GLRA2: variants seen among roughly 807,000 people sequenced by gnomAD.
The protein encoded by GLRA2 is glycine receptor alpha 2, also known as glycine receptor subunit alpha-2.
In GLRA2, 11 loss-of-function variants were observed where a neutral mutation model predicts 31.6. The ratio of observed to expected loss-of-function variants is 0.35; its 90% confidence interval spans 0.22 to 0.58. The LOEUF (loss-of-function observed/expected upper bound fraction) is 0.58. Ranked by LOEUF, GLRA2 falls within the 20% of genes least tolerant of loss-of-function variation. The pLI, the probability that GLRA2 is intolerant of heterozygous loss-of-function variation, is 0.84. For synonymous variants in GLRA2, 132 were observed against 134.0 expected, an observed-to-expected ratio of 0.99 and a Z score of 0.10; for missense variants, 212 against 351.8, an observed-to-expected ratio of 0.60 and a Z score of 3.18.
At chrX:14,624,871 T>C (rs1169409149) in intron 7 of GLRA2, among the ~76,000 whole-genome samples, 1 of 111,762 alleles carries the variant, frequency 8.9e-6, no homozygotes, top group Non-Finnish European at 1.9e-5. Flanking sequence ...TAGGTCTGCT[T>C]GGTGCAGAGC....
chrX:14,660,882 T>A (rs1054264330), intron 7 of GLRA2, among the ~76,000 whole-genome samples: 18 of 112,360 alleles, frequency 1.6e-4, no homozygotes, highest in African/African-American at 5.8e-4. Flanking sequence ...AGTCAGTGAA[T>A]AGGCATTTGA....
chrX:14,493,606 C>A, the GLRA2 span, among the ~76,000 whole-genome samples: 1 of 99,363 alleles, frequency 1.0e-5, no homozygotes, highest in Non-Finnish European at 2.0e-5. Context: ...CATATATACA[C>A]ATATACACAT....
intron 2 of GLRA2, among the ~76,000 whole-genome samples, chrX:14,564,779 T>C (rs926174389): frequency 1.8e-5 from 2 of 112,027 alleles, no homozygotes; most frequent in African/African-American, 6.5e-5. Context: ...AATGGTGTTG[T>C]ATAAGAGTGG....
chrX:14,537,952 TTGG>T (rs1479363716), intron 2 of GLRA2, among the ~76,000 whole-genome samples: 1 of 107,521 alleles, frequency 9.3e-6, no homozygotes, highest in Non-Finnish European at 1.9e-5. Context: ...TACAAATGTG[TTGG>T]TTGGTGTTCA....
intron 7 of GLRA2, among the ~76,000 whole-genome samples, chrX:14,655,956 C>T (rs1272805063): frequency 1.8e-5 from 2 of 111,873 alleles, no homozygotes; most frequent in African/African-American, 6.5e-5. Context: ...CACTCTAGAA[C>T]CTCCCCATTC....
In GLRA2 at chrX:14,730,508, C is replaced by T. The variant is rs371306095; in HGVS notation, c.*23C>T. 1 of 1,112,671 alleles carries T rather than the reference C, an allele frequency of 9.0e-7. No individual in the cohort carries two copies. Among genetic ancestry groups the T allele is most frequent in the African/African-American group, 1.9e-5 (1 of 51,721 alleles). 91.7% of individuals were successfully genotyped at this position (1,112,671 alleles called of 1,213,427 possible). On this transcript the variant is annotated 3_prime_UTR_variant, in exon 9 of 9. Transcript: ENST00000218075. ...TAGATGTGCCCTACAGACCCTGGGA[C>T]CTTCTTGCCTCAGTGTTGTGCTTGT...
chrX:14,483,584 G>A, the GLRA2 span, among the ~76,000 whole-genome samples: 1 of 112,041 alleles, frequency 8.9e-6, no homozygotes. Context: ...GCCATTTGCT[G>A]TCTCTAAAAC....
chrX:14,693,659 A>G (rs896584731), intron 8 of GLRA2, among the ~76,000 whole-genome samples: 17 of 112,352 alleles, frequency 1.5e-4, no homozygotes, highest in Non-Finnish European at 2.3e-4. Context: ...TCAAGTCAGA[A>G]GAAACATTTT....
At chrX:14,611,970 G>A (rs2090402887) in intron 7 of GLRA2, among the ~76,000 whole-genome samples, 1 of 111,918 alleles carries the variant, frequency 8.9e-6, no homozygotes. Flanking sequence ...ATCCATGGGT[G>A]AAAGTTACAC....
rs1161231379 is a variant in GLRA2 at position 14,639,057 on chromosome X, A to G, written c.930+29852A>G. Reference sequence around the variant, plus strand: ...TGGATCTGAATCCTTTGTTGCTGGTAAATACCCTTGATCAAGCCAATTATT... The same window carrying G: ...TGGATCTGAATCCTTTGTTGCTGGTGAATACCCTTGATCAAGCCAATTATT... On this transcript the variant is annotated intron_variant, in intron 7 of 8. Coordinates refer to ENST00000218075, the MANE Select transcript of GLRA2 (RefSeq NM_002063.4). Among the ~76,000 whole-genome samples the G allele has an allele frequency of 1.8e-5, 2 of 111,516 alleles. 1 individual carries two copies. Among genetic ancestry groups the G allele is most frequent in the East Asian group, 5.6e-4 (2 of 3,566 alleles).
intron 7 of GLRA2, among the ~76,000 whole-genome samples, chrX:14,625,811 G>T (rs1381726878): frequency 1.8e-5 from 2 of 111,634 alleles, no homozygotes; most frequent in Non-Finnish European, 3.8e-5. Flanking sequence ...GTTATGTGGG[G>T]AAGTGTTTTC....
At chrX:14,709,262 A>AC (rs772012133) in intron 8 of GLRA2, among the ~76,000 whole-genome samples, 22 of 110,151 alleles carry the variant, frequency 2.0e-4, no homozygotes, top group African/African-American at 3.0e-4. Context: ...AGGGCTACAG[A>AC]CCCCCCATCA....
At chrX:14,616,624 C>T (rs5935784) in intron 7 of GLRA2, among the ~76,000 whole-genome samples, 22,511 of 110,949 alleles carry the variant, frequency 0.2, 2,115 homozygotes, top group Non-Finnish European at 0.29. Context: ...AAGAGAACTA[C>T]GAAAACAGTA....
intron 7 of GLRA2, among the ~76,000 whole-genome samples, chrX:14,683,148 C>T (rs1357348612): frequency 8.9e-6 from 1 of 112,015 alleles, no homozygotes; most frequent in Non-Finnish European, 1.9e-5. Flanking sequence ...AATGGTTGAA[C>T]TAATTTACAG....
chrX:14,614,022 T>A (rs1392072732), intron 7 of GLRA2, among the ~76,000 whole-genome samples: 3 of 111,982 alleles, frequency 2.7e-5, no homozygotes, highest in African/African-American at 9.7e-5. Flanking sequence ...AAACAAAACT[T>A]CAGTCTCATG....
intron 2 of GLRA2, among the ~76,000 whole-genome samples, chrX:14,568,711 AAAAG>A (rs200160410): frequency 4.1e-4 from 20 of 49,376 alleles, no homozygotes; most frequent in African/African-American, 1.2e-3. Context: ...AAAAAAAAAG[AAAAG>A]AAAAAAAAGA....
chrX:14,662,023 A>T (rs2090996337), intron 7 of GLRA2, among the ~76,000 whole-genome samples: 1 of 110,578 alleles, frequency 9.0e-6, no homozygotes, highest in Non-Finnish European at 1.9e-5. Context: ...TGCCCAAATA[A>T]ATATACTAAT....
the GLRA2 span, among the ~76,000 whole-genome samples, chrX:14,485,931 C>A: frequency 8.9e-6 from 1 of 111,915 alleles, no homozygotes; most frequent in Non-Finnish European, 1.9e-5. Flanking sequence ...GCTCTTCTCC[C>A]TGCCCCATGG....
At chrX:14,569,948 A>G (rs1322955014) in intron 2 of GLRA2, among the ~76,000 whole-genome samples, 3 of 112,599 alleles carry the variant, frequency 2.7e-5, no homozygotes, top group African/African-American at 9.7e-5. Context: ...TACATGCTAC[A>G]ACATGGATGA....
Sources: allele counts gnomAD v4.1 joint callset (sites outside exome capture counted in the v4.1 genomes callset), GRCh38; gene constraint gnomAD v4.1.1; transcripts MANE v1.5; gene names NCBI Gene and HGNC (gene_info 2026-07-23, HGNC 2026-07-21).